CELF2: variants seen among roughly 807,000 people sequenced by gnomAD.
The protein encoded by CELF2 is CUG triplet repeat RNA-binding protein 2.
CELF2 carries 8 observed loss-of-function variants against 62.6 expected under a neutral mutation model. The observed-to-expected ratio is 0.13, with a 90% CI of 0.07 to 0.23. The LOEUF is 0.23. Ranked by LOEUF, CELF2 falls within the 10% of genes least tolerant of loss-of-function variation. CELF2 has a pLI of 1.00. For missense variants in CELF2, 333 were observed against 671.0 expected, an observed-to-expected ratio of 0.50 and a Z score of 5.56; for synonymous variants, 258 against 250.0, an observed-to-expected ratio of 1.03 and a Z score of -0.30.
chr10:10,764,061 A>G, the CELF2 span, among the ~76,000 whole-genome samples: 1 of 152,244 alleles, frequency 6.6e-6, no homozygotes, highest in Admixed American at 6.5e-5. Context: ...TCATTCAGCC[A>G]TTTGTTCTTC....
At chr10:10,939,602 T>C (rs2135414131) in intron 2 of CELF2, among the ~76,000 whole-genome samples, 1 of 151,980 alleles carries the variant, frequency 6.6e-6, no homozygotes, top group East Asian at 2.0e-4. Flanking sequence ...TAGCAAATTC[T>C]TAATAAGTGT....
At chr10:10,563,093 A>G in the CELF2 span, among the ~76,000 whole-genome samples, 7,098 of 152,202 alleles carry the variant, frequency 0.047, 300 homozygotes, top group South Asian at 0.15. Flanking sequence ...AGCCCCGTGA[A>G]TGCCATAGGA....
the CELF2 span, among the ~76,000 whole-genome samples, chr10:10,589,854 T>G: frequency 2.0e-5 from 3 of 152,232 alleles, no homozygotes; most frequent in Non-Finnish European, 4.4e-5. Context: ...ATCTTTCCTC[T>G]ACATCATGCT....
intron 1 of CELF2, among the ~76,000 whole-genome samples, chr10:11,086,446 A>T (rs1034983968): frequency 1.3e-5 from 2 of 152,080 alleles, no homozygotes; most frequent in South Asian, 2.1e-4. Context: ...AGACGCCAAC[A>T]TTCCAACATC....
intron 1 of CELF2, among the ~76,000 whole-genome samples, chr10:11,150,053 T>C (rs751011149): frequency 3.9e-5 from 6 of 152,208 alleles, no homozygotes; most frequent in Non-Finnish European, 8.8e-5. Context: ...TGGGTTGTTG[T>C]TAATATTTCT....
chr10:11,119,466 T>A (rs12780804), intron 1 of CELF2, among the ~76,000 whole-genome samples: 6,140 of 152,298 alleles, frequency 0.04, 195 homozygotes, highest in Non-Finnish European at 0.062. Context: ...TAATGTCTTA[T>A]AGCAATCAGA....
At chr10:10,914,367 A>G (rs1322460267) in intron 1 of CELF2, among the ~76,000 whole-genome samples, 1 of 152,198 alleles carries the variant, frequency 6.6e-6, no homozygotes, top group African/African-American at 2.4e-5. Context: ...TAGTTCAGGA[A>G]CGGGGAAGGA....
intron 12 of CELF2, among the ~76,000 whole-genome samples, chr10:11,327,223 G>A (rs985761556): frequency 6.6e-6 from 1 of 152,022 alleles, no homozygotes; most frequent in Non-Finnish European, 1.5e-5. Context: ...CTGAGCAGGA[G>A]CCTACTTTAG....
chr10:10,541,238 A>C, the CELF2 span, among the ~76,000 whole-genome samples: 1 of 55,602 alleles, frequency 1.8e-5, no homozygotes, highest in East Asian at 4.4e-4. Flanking sequence ...ATGAGACCCC[A>C]TCTCAAAAAA....
chr10:11,095,838 A>G (rs1338828128), intron 1 of CELF2, among the ~76,000 whole-genome samples: 2 of 152,206 alleles, frequency 1.3e-5, no homozygotes, highest in East Asian at 3.9e-4. Flanking sequence ...GAAGAAAGTG[A>G]TGAAACCATT....
the CELF2 span, among the ~76,000 whole-genome samples, chr10:10,736,168 A>C: frequency 6.6e-6 from 1 of 152,170 alleles, no homozygotes; most frequent in African/African-American, 2.4e-5. Context: ...ACAAGATACA[A>C]ACCCTGAAAA....
chr10:10,609,643 T>C, the CELF2 span, among the ~76,000 whole-genome samples: 1 of 152,148 alleles, frequency 6.6e-6, no homozygotes. Context: ...ATAGAATCAA[T>C]AGATTCTTCT....
chr10:11,256,341 C>T (rs142061909), intron 4 of CELF2, among the ~76,000 whole-genome samples: 3 of 152,302 alleles, frequency 2.0e-5, no homozygotes, highest in East Asian at 3.9e-4. Flanking sequence ...TGTGCTTTAG[C>T]GTCCAGAAGG....
chr10:10,715,726 A>T, the CELF2 span, among the ~76,000 whole-genome samples: 1 of 152,028 alleles, frequency 6.6e-6, no homozygotes, highest in Non-Finnish European at 1.5e-5. Flanking sequence ...GACTAAAATA[A>T]CTCCTCTCTC....
the CELF2 span, among the ~76,000 whole-genome samples, chr10:10,538,575 C>T: frequency 1.5e-4 from 23 of 152,114 alleles, no homozygotes; most frequent in Non-Finnish European, 2.8e-4. Flanking sequence ...CTTGTGTGTC[C>T]TCCCACCCCT....
intron 10 of CELF2, chr10:11,317,274 C>T (rs1457715197): frequency 2.0e-5 from 3 of 151,706 alleles, no homozygotes; most frequent in East Asian, 1.9e-4. Context: ...GGCATATTTT[C>T]GTGGCTTGGC....
rs1407761936 is a variant in CELF2 at position 10,931,465 on chromosome 10, C to T, written c.89+11466C>T. 4.6e-5 allele frequency among the ~76,000 whole-genome samples: 7 copies of T among 152,132 alleles called. No homozygotes were observed. Among genetic ancestry groups the T allele is most frequent in the Non-Finnish European group, 1.5e-5 (1 of 68,030 alleles). On this transcript the variant is annotated intron_variant, in intron 2 of 13. Coordinates refer to the CELF2 transcript ENST00000636488. The surrounding 1 kb of genome is among the most constrained non-coding windows in gnomAD (Gnocchi z 6.1). ...TGATTATCCAGTGAGTAAGTGGAAACTCTATTTACCACCACAGTTATAGCA... is the reference window on the plus strand; with the variant it reads ...TGATTATCCAGTGAGTAAGTGGAAATTCTATTTACCACCACAGTTATAGCA...
rs1178800681 is a variant in CELF2, at chr10:10,936,118, C to T, written c.89+16119C>T. ...CAGAGGTTGCAGTAAGCCAAGATTGCACCACTGCACTCCAGCCTAGGTGAC... is the reference window on the plus strand; with the variant it reads ...CAGAGGTTGCAGTAAGCCAAGATTGTACCACTGCACTCCAGCCTAGGTGAC... On this transcript the variant is annotated intron_variant, in intron 2 of 13. Transcript: ENST00000636488. The surrounding 1 kb of genome is among the most constrained non-coding windows in gnomAD (Gnocchi z 4.0). Among the ~76,000 whole-genome samples the T allele has an allele frequency of 1.3e-5, 2 of 152,000 alleles. No individual in the cohort carries two copies. The highest frequency in any genetic ancestry group is 2.9e-5 in the Non-Finnish European group (2 of 68,016).
At chr10:10,768,459 G>T in the CELF2 span, among the ~76,000 whole-genome samples, 1 of 152,082 alleles carries the variant, frequency 6.6e-6, no homozygotes, top group African/African-American at 2.4e-5. Context: ...GTATCCCAAG[G>T]CCCTGGAAAG....
Sources: allele counts gnomAD v4.1 joint callset (sites outside exome capture counted in the v4.1 genomes callset), GRCh38; gene constraint gnomAD v4.1.1; non-coding constraint Gnocchi (gnomAD v3.1); transcripts MANE v1.5; gene names NCBI Gene and HGNC (gene_info 2026-07-23, HGNC 2026-07-21).